The following LUZP2 variants were observed in gnomAD, a reference collection of about 807,000 sequenced individuals.
LUZP2 encodes leucine zipper protein 2.
In LUZP2, 52 loss-of-function variants were observed where a neutral mutation model predicts 51.6. The observed-to-expected ratio is 1.01, with a 90% CI of 0.81 to 1.27. The LOEUF (loss-of-function observed/expected upper bound fraction) is 1.27, where lower values mean the gene tolerates loss of function less well. LUZP2 is among the 50% of genes most tolerant of loss of function. The probability of loss-of-function intolerance (pLI) is 0.00; values close to 1 mark genes in which losing one functional copy is unlikely to be tolerated. For missense variants in LUZP2, 436 were observed against 395.4 expected (o/e 1.10, Z -0.87); for synonymous variants, 154 against 137.3 (o/e 1.12, Z -0.85).
At chr11:24,576,208 C>T (rs1027151003) in intron 1 of LUZP2, among the ~76,000 whole-genome samples, 12 of 151,754 alleles carry the variant, frequency 7.9e-5, no homozygotes, top group South Asian at 2.1e-4. Flanking sequence ...GTCAGGAGTT[C>T]GAGAGCAGCC....
At chr11:24,560,221 G>A (rs7105854) in intron 1 of LUZP2, among the ~76,000 whole-genome samples, 63,462 of 152,006 alleles carry the variant, frequency 0.42, 13,766 homozygotes, top group African/African-American at 0.51. Flanking sequence ...ACAGCAGTTA[G>A]TCAAGAAACA....
intron 1 of LUZP2, among the ~76,000 whole-genome samples, chr11:24,572,168 G>A (rs1852465410): frequency 6.6e-6 from 1 of 151,850 alleles, no homozygotes; most frequent in Non-Finnish European, 1.5e-5. Context: ...CTTAGAATAA[G>A]CATATAGTAA....
chr11:25,063,171 A>G (rs1858897823), intron 10 of LUZP2, among the ~76,000 whole-genome samples: 1 of 151,814 alleles, frequency 6.6e-6, no homozygotes, highest in Non-Finnish European at 1.5e-5. Flanking sequence ...TGTAACAACT[A>G]TTTACATCAC....
At chr11:24,826,033 C>T (rs899055285) in intron 5 of LUZP2, among the ~76,000 whole-genome samples, 1 of 150,818 alleles carries the variant, frequency 6.6e-6, no homozygotes, top group African/African-American at 2.4e-5. Flanking sequence ...ATTAGCTGGG[C>T]GCGGTGGCGG....
chr11:24,646,148 T>G (rs753588102), intron 1 of LUZP2, among the ~76,000 whole-genome samples: 1 of 152,114 alleles, frequency 6.6e-6, no homozygotes, highest in Non-Finnish European at 1.5e-5. Context: ...ATTTAAGGGC[T>G]TAGCCTGACT....
At position 24,945,976 on chromosome 11, in the gene LUZP2, C is replaced by T. The variant is rs1230079324; in HGVS notation, c.523-30615C>T. Among the ~76,000 whole-genome samples the T allele has an allele frequency of 2.0e-5, 3 of 152,120 alleles. No individual in the cohort carries two copies. In the East Asian group the frequency reaches 5.8e-4, roughly 29 times the overall value. Reference sequence around the variant, plus strand: ...TCATTTGCAGTCACTGCCTGTTCCCCTTTTTCCCTAGACCCAGGGAAAAGA... The same window carrying T: ...TCATTTGCAGTCACTGCCTGTTCCCTTTTTTCCCTAGACCCAGGGAAAAGA... On this transcript the variant is annotated intron_variant, in intron 7 of 11. Coordinates refer to ENST00000336930, the MANE Select transcript of LUZP2 (RefSeq NM_001009909.4).
chr11:24,673,195 T>A (rs1391672374), intron 1 of LUZP2, among the ~76,000 whole-genome samples: 1 of 152,148 alleles, frequency 6.6e-6, no homozygotes, highest in Non-Finnish European at 1.5e-5. Context: ...TGTAACATGA[T>A]GATAAGTATT....
At chr11:24,985,819 G>A (rs1332064930) in intron 9 of LUZP2, among the ~76,000 whole-genome samples, 1 of 151,598 alleles carries the variant, frequency 6.6e-6, no homozygotes, top group African/African-American at 2.4e-5. Context: ...TGGAACTGAG[G>A]GAAGACATCT....
chr11:24,966,686 T>G (rs1003320165), intron 7 of LUZP2, among the ~76,000 whole-genome samples: 112 of 148,012 alleles, frequency 7.6e-4, no homozygotes, highest in Non-Finnish European at 4.0e-4. Flanking sequence ...ATATATATTT[T>G]ATATGCATAT....
chr11:24,634,942 C>G (rs1004915172), intron 1 of LUZP2, among the ~76,000 whole-genome samples: 1 of 152,016 alleles, frequency 6.6e-6, no homozygotes, highest in African/African-American at 2.4e-5. Flanking sequence ...ACTTGTTACT[C>G]AGCTCAAAAT....
At chr11:24,615,114 G>A (rs1368818301) in intron 1 of LUZP2, among the ~76,000 whole-genome samples, 2 of 151,010 alleles carry the variant, frequency 1.3e-5, no homozygotes, top group African/African-American at 4.9e-5. Flanking sequence ...TTAATTTTGA[G>A]GTAATTGTAA....
At chr11:24,847,835 G>C (rs967879631) in intron 5 of LUZP2, among the ~76,000 whole-genome samples, 1 of 152,098 alleles carries the variant, frequency 6.6e-6, no homozygotes, top group Non-Finnish European at 1.5e-5. Flanking sequence ...ATGTTACCTA[G>C]TGGATTTATA....
chr11:24,997,803 G>A (rs578162009), intron 9 of LUZP2, among the ~76,000 whole-genome samples: 70 of 152,282 alleles, frequency 4.6e-4, no homozygotes, highest in African/African-American at 1.6e-3. Flanking sequence ...TGTATAAGGT[G>A]TAAGGAAGGG....
At position 24,636,648 on chromosome 11, in the gene LUZP2, G is replaced by A. The variant is rs192553967; in HGVS notation, c.63-92521G>A. On this transcript the variant is annotated intron_variant, in intron 1 of 11. Transcript: ENST00000336930. ...TATTTTCTACATTGGCACAACTAAC[G>A]TTGTCCACAAGTAACATGAATCCAG... Among the ~76,000 whole-genome samples, 522 of 152,166 alleles carry A rather than the reference G, an allele frequency of 3.4e-3. 4 individuals are homozygous for A. Among genetic ancestry groups the A allele is most frequent in the African/African-American group, 0.012 (481 of 41,520 alleles).
At chr11:25,045,497 A>G (rs1858278836) in intron 9 of LUZP2, among the ~76,000 whole-genome samples, 2 of 152,148 alleles carry the variant, frequency 1.3e-5, no homozygotes, top group South Asian at 4.1e-4. Context: ...AAAGTCCCAT[A>G]AGAATAAATT....
chr11:24,940,911 A>T (rs1854728908), intron 7 of LUZP2, among the ~76,000 whole-genome samples: 1 of 152,208 alleles, frequency 6.6e-6, no homozygotes, highest in Non-Finnish European at 1.5e-5. Flanking sequence ...GCCCTCAGCA[A>T]ATGTAGTTGC....
intron 1 of LUZP2, among the ~76,000 whole-genome samples, chr11:24,545,125 AT>A (rs1014723539): frequency 6.8e-5 from 10 of 146,278 alleles, no homozygotes; most frequent in Non-Finnish European, 9.1e-5. Context: ...CCACTCTTTA[AT>A]TTTTTTTTTC....
At chr11:24,821,549 T>G (rs1184835314) in intron 5 of LUZP2, among the ~76,000 whole-genome samples, 1 of 152,084 alleles carries the variant, frequency 6.6e-6, no homozygotes, top group Non-Finnish European at 1.5e-5. Context: ...TGACCCTAGA[T>G]CTTGCCTCAT....
At chr11:24,722,466 C>A (rs1858312285) in intron 1 of LUZP2, among the ~76,000 whole-genome samples, 1 of 152,126 alleles carries the variant, frequency 6.6e-6, no homozygotes, top group South Asian at 2.1e-4. Flanking sequence ...TGGGAAAAAC[C>A]TGCCCCCATA....
Sources: gnomAD v4.1 joint callset for allele counts (sites outside exome capture counted in the v4.1 genomes callset) on GRCh38, gnomAD v4.1.1 for gene constraint, MANE v1.5 for transcripts, NCBI Gene and HGNC (gene_info 2026-07-23, HGNC 2026-07-21) for gene names.